DNAH5: variants seen among roughly 807,000 people sequenced by gnomAD.
DNAH5 encodes dynein axonemal heavy chain 5, also known as axonemal beta dynein heavy chain 5.
A neutral mutation model predicts 518.2 loss-of-function variants in DNAH5; 372 were observed. The ratio of observed to expected loss-of-function variants is 0.72; its 90% CI spans 0.66 to 0.78. The LOEUF (loss-of-function observed/expected upper bound fraction) is 0.78, where lower values mean the gene tolerates loss of function less well. Ranked by LOEUF, DNAH5 falls within the 30% of genes least tolerant of loss-of-function variation. The pLI is 0.00. For missense variants in DNAH5, 5,523 were observed against 5,687.0 expected (o/e 0.97, Z 0.93); for synonymous variants, 2,039 against 2,025.9 (o/e 1.01, Z -0.17).
intron 1 of DNAH5, among the ~76,000 whole-genome samples, chr5:13,939,549 C>T (rs1409886690): frequency 2.0e-5 from 3 of 152,168 alleles, no homozygotes; most frequent in Non-Finnish European, 4.4e-5. Flanking sequence ...AAAAGCCTCC[C>T]TCTTTGTCTT....
rs151291098 is a variant in DNAH5 at position 13,835,845 on chromosome 5, G to A, written c.5882+3511C>T. Among the ~76,000 whole-genome samples, 984 of 152,194 alleles carry A rather than the reference G, an allele frequency of 6.5e-3. 13 individuals carry two copies. Among genetic ancestry groups the A allele is most frequent in the African/African-American group, 0.023 (939 of 41,496 alleles). On this transcript the variant is annotated intron_variant, in intron 35 of 78. Coordinates refer to ENST00000265104, the MANE Select transcript of DNAH5 (RefSeq NM_001369.3). ...CCATGAAACGACTCCATGTGTGTCCGTAGCGTTTATCTAATCGGCACAAGG... is the reference window on the plus strand; with the variant it reads ...CCATGAAACGACTCCATGTGTGTCCATAGCGTTTATCTAATCGGCACAAGG...
chr5:13,740,776 A>G (rs927613223), intron 65 of DNAH5, among the ~76,000 whole-genome samples: 6 of 152,102 alleles, frequency 3.9e-5, no homozygotes, highest in Non-Finnish European at 8.8e-5. Flanking sequence ...CTCAAATGTC[A>G]CATTCTCAGT....
intron 1 of DNAH5, among the ~76,000 whole-genome samples, chr5:13,953,448 G>C (rs1304160639): frequency 2.0e-5 from 3 of 152,186 alleles, no homozygotes; most frequent in Non-Finnish European, 2.9e-5. Flanking sequence ...CCCCTGGGTG[G>C]GTTCAAACAT....
At position 13,874,065 on chromosome 5, in the gene DNAH5, C is replaced by T. The variant is rs146739267; in HGVS notation, c.3397-2300G>A. 3.4e-3 allele frequency among the ~76,000 whole-genome samples: 521 copies of T among 152,264 alleles called. 3 individuals carry two copies. The highest frequency in any genetic ancestry group is 0.012 in the African/African-American group (500 of 41,538). Reference sequence around the variant, plus strand: ...AAAATGTCCCTCCGAGCCTCAGGTTCAATGGATGTTGATACTTCCCATCCA... The same window carrying T: ...AAAATGTCCCTCCGAGCCTCAGGTTTAATGGATGTTGATACTTCCCATCCA... On this transcript the variant is annotated intron_variant, in intron 22 of 78. Coordinates refer to ENST00000265104, the MANE Select transcript of DNAH5 (RefSeq NM_001369.3).
chr5:13,721,190 A>G lies in DNAH5; in HGVS notation c.12089T>C (p.Leu4030Ser). 1.2e-6 allele frequency: 2 copies of G among 1,614,164 alleles called. No individual in the cohort carries two copies. Among genetic ancestry groups the G allele is most frequent in the South Asian group, 2.2e-5 (2 of 91,086 alleles). The part of the protein sequence containing the change: ...MGEKYAEGVI[L>S]DLEKTWEESD... ...TTCCTCCCACGTCTTCTCCAAGTCT[A>G]AAATAACACCTTCGGCATATTTTTC... Residue 4030 changes from leucine (L) to serine (S), a missense_variant, in exon 71 of 79, where the codon TTA becomes TCA. Leu to Ser is a moderately radical substitution (Grantham distance 145, BLOSUM62 -2). Coordinates refer to ENST00000265104, the MANE Select transcript of DNAH5 (RefSeq NM_001369.3).
intron 1 of DNAH5, among the ~76,000 whole-genome samples, chr5:13,990,252 T>TA (rs1783428984): frequency 1.3e-5 from 2 of 152,118 alleles, no homozygotes; most frequent in South Asian, 4.2e-4. Flanking sequence ...CTAAAAACTT[T>TA]AAAAAATTGG....
At chr5:13,907,152 C>T (rs1267246914) in intron 12 of DNAH5, among the ~76,000 whole-genome samples, 1 of 152,040 alleles carries the variant, frequency 6.6e-6, no homozygotes. Flanking sequence ...AGAACGAGGC[C>T]AGGCACGGTG....
At chr5:13,848,664 G>C (rs1766392915) in intron 31 of DNAH5, among the ~76,000 whole-genome samples, 2 of 152,138 alleles carry the variant, frequency 1.3e-5, no homozygotes, top group South Asian at 4.2e-4. Flanking sequence ...TTCTCACAAG[G>C]AGTACGCAAC....
At chr5:13,816,751 G>A (rs1323461521) in intron 42 of DNAH5, among the ~76,000 whole-genome samples, 2 of 152,028 alleles carry the variant, frequency 1.3e-5, no homozygotes, top group African/African-American at 4.8e-5. Context: ...TTATATTAGC[G>A]TTATTAAATG....
chr5:13,776,432 T>C lies in DNAH5; in HGVS notation c.9373+7A>G, dbSNP rs1754097715. The C allele has an allele frequency of 1.9e-6, 3 of 1,613,676 alleles. No individual in the cohort carries two copies. The highest frequency in any genetic ancestry group is 1.3e-5 in the African/African-American group (1 of 75,002). On this transcript the variant is annotated splice_region_variant and intron_variant, in intron 55 of 78. Transcript: ENST00000265104. The stretch of plus-strand genomic sequence containing the variant: ...TTATGCCCTGGCATAAACATTTCCA[T>C]ACTAACCAGCAACTAAAGCATCTTT...
rs775486702 is a variant in DNAH5 at position 13,917,238 on chromosome 5, T to C, written c.994A>G (p.Ile332Val). The part of the protein sequence containing the change: ...KLLKTWREMD[I>V]RITDATNEAK... ...TCATTAGTTGCATCAGTGATTCGAATATCCATCTCCCGCCAAGTCTAAGCA... is the reference window on the plus strand; with the variant it reads ...TCATTAGTTGCATCAGTGATTCGAACATCCATCTCCCGCCAAGTCTAAGCA... Residue 332 changes from isoleucine to valine, a missense_variant, in exon 8 of 79, where the codon ATT (isoleucine) becomes GTT (valine). This residue lies in a region of DNAH5 where 5,121 missense variants were observed against 5,223.3 expected (regional missense o/e 0.98). Transcript: ENST00000265104. 6.2e-7 allele frequency: 1 copy of C among 1,613,906 alleles called. No individual in the cohort carries two copies. The highest frequency in any genetic ancestry group is 8.5e-7 in the Non-Finnish European group (1 of 1,179,896).
At chr5:13,875,962 A>C (rs1162423187) in intron 22 of DNAH5, among the ~76,000 whole-genome samples, 1 of 152,202 alleles carries the variant, frequency 6.6e-6, no homozygotes, top group Non-Finnish European at 1.5e-5. Context: ...GAAAAAATGC[A>C]CTTACTGAGC....
At chr5:13,761,106 T>G (rs1751710028) in intron 60 of DNAH5, among the ~76,000 whole-genome samples, 1 of 152,240 alleles carries the variant, frequency 6.6e-6, no homozygotes, top group Non-Finnish European at 1.5e-5. Flanking sequence ...CACTTCCTAC[T>G]GCAGGACCCA....
At chr5:13,877,520 T>A (rs1233864744) in intron 21 of DNAH5, among the ~76,000 whole-genome samples, 1 of 152,180 alleles carries the variant, frequency 6.6e-6, no homozygotes, top group Admixed American at 6.5e-5. Context: ...CCTCCACCCA[T>A]GGACACACCC....
At chr5:13,776,362 G>C (rs1754084741) in intron 55 of DNAH5, 77 bp downstream of exon 55, 1 of 1,587,776 alleles carries the variant, frequency 6.3e-7, no homozygotes, top group Non-Finnish European at 8.6e-7. Context: ...AGCTGAGGCA[G>C]AGCCTTCAAG....
chr5:13,873,151 A>G (rs1010210321), intron 22 of DNAH5, among the ~76,000 whole-genome samples: 3 of 152,184 alleles, frequency 2.0e-5, no homozygotes, highest in Non-Finnish European at 4.4e-5. Flanking sequence ...TCAAAGCAGA[A>G]AGAACAACAA....
intron 58 of DNAH5, 112 bp downstream of exon 58, chr5:13,768,848 A>G: frequency 8.2e-7 from 1 of 1,225,574 alleles, no homozygotes; most frequent in Non-Finnish European, 1.2e-6. Context: ...ACTCAAGTGG[A>G]TAGAGCTTTC....
intron 59 of DNAH5, among the ~76,000 whole-genome samples, chr5:13,765,068 A>G (rs150553411): frequency 6.6e-6 from 1 of 152,346 alleles, no homozygotes; most frequent in East Asian, 1.9e-4. Flanking sequence ...TATTGTATCT[A>G]CATGGTGGAA....
At chr5:13,887,718 C>T (rs1772630026) in intron 17 of DNAH5, among the ~76,000 whole-genome samples, 1 of 152,216 alleles carries the variant, frequency 6.6e-6, no homozygotes, top group Non-Finnish European at 1.5e-5. Context: ...CACGATTTCA[C>T]ACTTCAACCA....
Sources: gnomAD v4.1 joint callset for allele counts (sites outside exome capture counted in the v4.1 genomes callset) on GRCh38, gnomAD v4.1.1 for gene constraint, gnomAD v4.1.1 regional missense constraint, MANE v1.5 for transcripts, NCBI Gene and HGNC (gene_info 2026-07-23, HGNC 2026-07-21) for gene names.